Variants in NUBP1 observed in about 807,000 individuals in gnomAD.
NUBP1 encodes cytosolic Fe-S cluster assembly factor NUBP1.
A neutral mutation model predicts 41.8 loss-of-function variants in NUBP1; 46 were observed. The observed-to-expected ratio is 1.10, with a 90% CI of 0.87 to 1.41. NUBP1 has a LOEUF of 1.41. Ranked by LOEUF, NUBP1 falls within the 40% of genes most tolerant of loss-of-function variation. The probability of loss-of-function intolerance (pLI) is 0.00; values close to 1 mark genes in which losing one functional copy is unlikely to be tolerated. For missense variants in NUBP1, 494 were observed against 414.0 expected, an observed-to-expected ratio of 1.19 and a Z score of -1.68; for synonymous variants, 189 against 154.6, an observed-to-expected ratio of 1.22 and a Z score of -1.65.
In NUBP1 at chr16:10,768,128, C is replaced by T; in HGVS notation, c.904+96C>T. The T allele has an allele frequency of 1.8e-6, 2 of 1,140,728 alleles. No homozygotes were observed. Among genetic ancestry groups the T allele is most frequent in the Non-Finnish European group, 2.6e-6 (2 of 768,088 alleles). The allele number at this position is 1,140,728 out of a possible 1,614,324, so 70.7% of individuals were successfully genotyped here. A position where few individuals can be genotyped will look rare whatever the true frequency, so the allele number is the denominator to read the frequency against. ...TGGAAGGACAGGTGGGTGGTGGGGTCTGTGATGACCACAGAGTGGCCCCCA... is the reference window on the plus strand; with the variant it reads ...TGGAAGGACAGGTGGGTGGTGGGGTTTGTGATGACCACAGAGTGGCCCCCA... On this transcript the variant is annotated intron_variant, in intron 10 of 10. Transcript: ENST00000283027. The surrounding 1 kb of genome is among the most constrained non-coding windows in gnomAD (Gnocchi z 4.3).
Position 10,766,904 on chromosome 16 carries a change from A to G in NUBP1, c.821-1045A>G. Reference sequence around the variant, plus strand: ...ATTTCCTGTTATGGCTCAAGTGCGAATTGGCCTTATGTTCCCTGCCTCTGG... The same window carrying G: ...ATTTCCTGTTATGGCTCAAGTGCGAGTTGGCCTTATGTTCCCTGCCTCTGG... On this transcript the variant is annotated intron_variant, in intron 9 of 10. Transcript: ENST00000283027. The surrounding 1 kb of genome is among the most constrained non-coding windows in gnomAD (Gnocchi z 4.8). 2.5e-6 allele frequency: 1 copy of G among 398,600 alleles called. No homozygotes were observed. Among genetic ancestry groups the G allele is most frequent in the African/African-American group, 2.1e-5 (1 of 48,730 alleles). The allele number at this position is 398,600 out of a possible 1,614,324, so 24.7% of individuals were successfully genotyped here. A position where few individuals can be genotyped will look rare whatever the true frequency, so the allele number is the denominator to read the frequency against.
At chr16:10,756,849 C>A in intron 6 of NUBP1, 69 bp downstream of exon 6, 2 of 1,252,850 alleles carry the variant, frequency 1.6e-6, no homozygotes, top group Non-Finnish European at 2.2e-6. Context: ...GCTTTATCTG[C>A]TCCCTGTCCT....
At chr16:10,761,503 C>T in intron 8 of NUBP1, 29 bp downstream of exon 8, 2 of 1,565,628 alleles carry the variant, frequency 1.3e-6, no homozygotes, top group Non-Finnish European at 1.8e-6. Flanking sequence ...GCCAGGCGAG[C>T]AAGATCTTGC....
At chr16:10,751,284 A>G (rs1567255428) in intron 3 of NUBP1, among the ~76,000 whole-genome samples, 2 of 152,218 alleles carry the variant, frequency 1.3e-5, no homozygotes, top group Non-Finnish European at 2.9e-5. Context: ...TATCACAGTC[A>G]TAGTGATAGT....
At chr16:10,756,934 A>C (rs553616466) in intron 6 of NUBP1, among the ~76,000 whole-genome samples, 154 bp downstream of exon 6, 1 of 152,344 alleles carries the variant, frequency 6.6e-6, no homozygotes, top group East Asian at 1.9e-4. Context: ...CTGGTTGAAA[A>C]GAGCTAATAG....
chr16:10,743,963 T>G lies in NUBP1; in HGVS notation c.22T>G (p.Cys8Gly). Reference protein sequence around the residue: MEEVPHDCPGADSAQAGR... With the variant: MEEVPHDGPGADSAQAGR... ...ACTGTGGTCTTGTCTCTGCGCAGAC[T>G]GTCCAGGGGCCGACAGCGCCCAGGC... The change falls in exon 2 of 11, where the codon TGT becomes GGT. Residue 8 changes from cysteine (C) to glycine (G), a missense_variant and splice_region_variant. Cys to Gly is a radical substitution (Grantham distance 159). Transcript: ENST00000283027. The G allele has an allele frequency of 6.3e-7, 1 of 1,588,514 alleles. No homozygotes were observed.
At chr16:10,747,473 A>G (rs1900114655) in intron 3 of NUBP1, among the ~76,000 whole-genome samples, 197 bp downstream of exon 3, 1 of 152,252 alleles carries the variant, frequency 6.6e-6, no homozygotes, top group Non-Finnish European at 1.5e-5. Context: ...GTCTCTACTA[A>G]AAATACAAAA....
At chr16:10,761,658 C>G (rs2029914518) in intron 8 of NUBP1, 99 bp from the exon 9 acceptor site, 1 of 1,052,482 alleles carries the variant, frequency 9.5e-7, no homozygotes, top group African/African-American at 1.6e-5. Flanking sequence ...CACATTCAAA[C>G]TAAGCCTTTT....
chr16:10,743,939 C>G lies in NUBP1; in HGVS notation c.20-22C>G, dbSNP rs1217868291. On this transcript the variant is annotated intron_variant, in intron 1 of 10. Transcript: ENST00000283027. ...GCGAAAGTGTCGGGAGCTGCTCTAA[C>G]TGTGGTCTTGTCTCTGCGCAGACTG... The G allele has an allele frequency of 5.0e-6, 8 of 1,590,966 alleles. No homozygotes were observed. The African/African-American group carries it at 6.8e-5, about 13-fold the overall frequency.
Position 10,749,138 on chromosome 16 carries a change from C to G in NUBP1, c.258+1862C>G, listed in dbSNP as rs942280726. On this transcript the variant is annotated intron_variant, in intron 3 of 10. Coordinates refer to ENST00000283027, the MANE Select transcript of NUBP1 (RefSeq NM_002484.4). The surrounding 1 kb of genome is among the most constrained non-coding windows in gnomAD (Gnocchi z 4.1). ...ATACACAGACACATACACACACACA[C>G]ACACACACACACACACACACACACA... is the stretch of plus-strand genomic sequence containing the variant. Among the ~76,000 whole-genome samples, 11 of 144,536 alleles carry G rather than the reference C, an allele frequency of 7.6e-5. No homozygotes were observed. In the East Asian group the frequency reaches 1.6e-3, roughly 21 times the overall value. The allele number at this position is 144,536 out of a possible 152,430, so 94.8% of individuals were successfully genotyped here.
At chr16:10,750,070 C>T (rs945906969) in intron 3 of NUBP1, among the ~76,000 whole-genome samples, 2 of 152,118 alleles carry the variant, frequency 1.3e-5, no homozygotes, top group African/African-American at 4.8e-5. Context: ...TGGTGGTAAG[C>T]ACCTGTAGTC....
At chr16:10,763,444 C>G (rs1316944837) in intron 9 of NUBP1, 2 of 152,284 alleles carry the variant, frequency 1.3e-5, no homozygotes, top group East Asian at 3.9e-4. Context: ...TCCCCAAATC[C>G]TTTTTCCCTT....
Position 10,769,267 on chromosome 16 carries a change from G to GTAT in NUBP1, c.*164_*166dup, listed in dbSNP as rs1314451230. ...TTCTCAGAGACACTTTAATCATTGA[G>GTAT]TATTTGTACACTTTTCTTTAGAACA... is the stretch of plus-strand genomic sequence containing the variant. On this transcript the variant is annotated 3_prime_UTR_variant, in exon 11 of 11. Coordinates refer to ENST00000283027, the MANE Select transcript of NUBP1 (RefSeq NM_002484.4). The GTAT allele has an allele frequency of 1.6e-6, 1 of 606,784 alleles. No individual in the cohort carries two copies. The highest frequency in any genetic ancestry group is 1.9e-5 in the African/African-American group (1 of 53,520). The allele number at this position is 606,784 out of a possible 1,614,324, so 37.6% of individuals were successfully genotyped here. A position where few individuals can be genotyped will look rare whatever the true frequency, so the allele number is the denominator to read the frequency against.
intron 4 of NUBP1, among the ~76,000 whole-genome samples, chr16:10,753,492 A>C (rs1442331960): frequency 6.6e-6 from 1 of 151,656 alleles, no homozygotes; most frequent in East Asian, 1.9e-4. Context: ...TCTCCAAGAG[A>C]GGATTCCCCC....
intron 7 of NUBP1, 66 bp downstream of exon 7, chr16:10,758,093 C>T (rs939604465): frequency 6.4e-7 from 1 of 1,562,936 alleles, no homozygotes; most frequent in African/African-American, 1.4e-5. Flanking sequence ...TCTTTCCTAC[C>T]TGGCTCTGAT....
chr16:10,761,651 A>G, intron 8 of NUBP1, 106 bp from the exon 9 acceptor site: 3 of 1,062,416 alleles, frequency 2.8e-6, no homozygotes, highest in Middle Eastern at 2.1e-4. Context: ...AGGGTTCCAC[A>G]TTCAAACTAA....
chr16:10,752,779 TG>T (rs1278579623), intron 4 of NUBP1, 101 bp downstream of exon 4: 13 of 990,504 alleles, frequency 1.3e-5, no homozygotes, highest in East Asian at 1.2e-4. Flanking sequence ...AGCCCATAAA[TG>T]TTTTTTTGTT....
chr16:10,755,727 C>G lies in NUBP1; in HGVS notation c.334C>G (p.Gln112Glu), dbSNP rs758212160. Residue 112 changes from glutamine to glutamate, a missense_variant, in exon 5 of 11, where the codon CAG becomes GAG. By Grantham distance (29) the Gln-to-Glu change is conservative. Coordinates refer to ENST00000283027, the MANE Select transcript of NUBP1 (RefSeq NM_002484.4). ...GGTGCTCATGTTCACACAGGTTCAC[C>G]AGAGTGGCTCAGGCTGGTCTCCAGT... ...IMGLEGEQVH[Q>E]SGSGWSPVYV... The G allele has an allele frequency of 6.2e-7, 1 of 1,614,164 alleles. No individual in the cohort carries two copies.
chr16:10,769,316 A>G lies in NUBP1; in HGVS notation c.*211A>G. The G allele has an allele frequency of 2.0e-6, 1 of 494,792 alleles. No individual in the cohort carries two copies. Among genetic ancestry groups the G allele is most frequent in the East Asian group, 3.3e-5 (1 of 30,278 alleles). 30.7% of individuals were successfully genotyped at this position (494,792 alleles called of 1,614,324 possible). A position where few individuals can be genotyped will look rare whatever the true frequency, so the allele number is the denominator to read the frequency against. ...CATATATAAAGGGCATTCTCTACAA[A>G]TGTGCCGTTTTAAGAATAAAACCCC... On this transcript the variant is annotated 3_prime_UTR_variant, in exon 11 of 11. Coordinates refer to ENST00000283027, the MANE Select transcript of NUBP1 (RefSeq NM_002484.4).
Sources: allele counts gnomAD v4.1 joint callset (sites outside exome capture counted in the v4.1 genomes callset), GRCh38; gene constraint gnomAD v4.1.1; non-coding constraint Gnocchi (gnomAD v3.1); transcripts MANE v1.5; gene names NCBI Gene and HGNC (gene_info 2026-07-23, HGNC 2026-07-21).